DDHD2: variants seen among roughly 807,000 people sequenced by gnomAD.
DDHD2 encodes triacylglycerol hydrolase DDHD2.
In DDHD2, 62 loss-of-function variants were observed where a neutral mutation model predicts 91.2. The ratio of observed to expected loss-of-function variants is 0.68; its 90% confidence interval spans 0.55 to 0.84. The LOEUF (loss-of-function observed/expected upper bound fraction) is 0.84. Among genes scored for constraint, DDHD2 ranks in the 40% least tolerant of loss-of-function variants. DDHD2 has a pLI of 0.00. For synonymous variants in DDHD2, 271 were observed against 293.9 expected (o/e 0.92, Z 0.80); for missense variants, 740 against 846.9 (o/e 0.87, Z 1.57).
intron 10 of DDHD2, among the ~76,000 whole-genome samples, chr8:38,248,277 G>C (rs1805804544): frequency 6.6e-6 from 1 of 151,908 alleles, no homozygotes; most frequent in African/African-American, 2.4e-5. Flanking sequence ...TGGCCAGGCT[G>C]GTCTGGAATT....
In DDHD2 at chr8:38,261,650, T is replaced by A. The variant is rs546452730; in HGVS notation, c.*1077T>A. On this transcript the variant is annotated 3_prime_UTR_variant, in exon 18 of 18. Coordinates refer to ENST00000397166, the MANE Select transcript of DDHD2 (RefSeq NM_015214.3). ...TAACTTGTTCTGAAAGAAAAACTTA[T>A]GTCTGTAGGGTCCAAGAAACAGCTA... The A allele has an allele frequency of 1.3e-5, 2 of 152,222 alleles. No individual in the cohort carries two copies. The highest frequency in any genetic ancestry group is 2.4e-5 in the African/African-American group (1 of 41,462). 9.4% of individuals were successfully genotyped at this position (152,222 alleles called of 1,614,324 possible).
chr8:38,271,091 G>A (rs539928733), intron 1 of DDHD2: 1 of 152,250 alleles, frequency 6.6e-6, no homozygotes, highest in South Asian at 2.1e-4. Context: ...TACATAAAAA[G>A]TATTTGTAAA....
chr8:38,246,512 T>A (rs1805646184), intron 9 of DDHD2, among the ~76,000 whole-genome samples: 1 of 152,240 alleles, frequency 6.6e-6, no homozygotes, highest in Non-Finnish European at 1.5e-5. Flanking sequence ...ATAATTGTTA[T>A]ATTCTAAACC....
chr8:38,252,284 C>T lies in DDHD2; in HGVS notation c.1614C>T (p.His538=), dbSNP rs770774468. The change falls in exon 13 of 18, where the codon CAC becomes CAT. Residue 538 remains histidine (H), a synonymous_variant. Transcript: ENST00000397166. ...GCAAAGGTTTCTTCAATATTTATCA[C>T]CCTGTAAGCATTGTACAGCTATTGT... ...PTCKGFFNIY[H]PFDPVAYRIE... 6.2e-7 allele frequency: 1 copy of T among 1,611,254 alleles called. No individual in the cohort carries two copies. The highest frequency in any genetic ancestry group is 1.7e-5 in the Admixed American group (1 of 59,302).
chr8:38,233,927 CA>C (rs201616340), intron 2 of DDHD2, among the ~76,000 whole-genome samples: 360 of 121,468 alleles, frequency 3.0e-3, no homozygotes, highest in African/African-American at 5.9e-3. Flanking sequence ...AGACTTGTCT[CA>C]AAAAAAAAAA....
Position 38,268,653 on chromosome 8 carries a change from C to T in DDHD2, n.88-2469C>T, listed in dbSNP as rs554723853. 3.2e-5 allele frequency: 46 copies of T among 1,435,322 alleles called. No individual in the cohort carries two copies. The East Asian group carries it at 1.1e-3, about 35-fold the overall frequency. 88.9% of individuals were successfully genotyped at this position (1,435,322 alleles called of 1,614,324 possible). The stretch of plus-strand genomic sequence containing the variant: ...GCGGCTCGGGCCCCGGTACCTCAGG[C>T]TGAGGCACAGAGCGCCCGGGAAAAC... On this transcript the variant is annotated intron_variant and non_coding_transcript_variant, in intron 1 of 1. Transcript: ENST00000526071.
chr8:38,233,634 A>G (rs1383912991), intron 2 of DDHD2, among the ~76,000 whole-genome samples: 1 of 151,296 alleles, frequency 6.6e-6, no homozygotes, highest in Non-Finnish European at 1.5e-5. Flanking sequence ...TTTGTTTTAT[A>G]AAGAATGTGT....
At chr8:38,260,358 C>G in intron 17 of DDHD2, 2 of 369,170 alleles carry the variant, frequency 5.4e-6, no homozygotes. Context: ...GTCTGTTTTG[C>G]TAGAGATTTT....
intron 11 of DDHD2, 39 bp from the exon 12 acceptor site, chr8:38,251,873 A>G (rs756948894): frequency 6.0e-6 from 9 of 1,495,052 alleles, no homozygotes; most frequent in South Asian, 1.1e-5. Flanking sequence ...GCATGCCGTC[A>G]TGCCCAGCTT....
chr8:38,268,352 C>A (rs1180291300), intron 1 of DDHD2: 1 of 1,553,908 alleles, frequency 6.4e-7, no homozygotes, highest in East Asian at 2.4e-5. Flanking sequence ...GAAACCGGCC[C>A]GAAAGGGCTA....
chr8:38,263,257 G>T, downstream of DDHD2: 1 of 321,758 alleles, frequency 3.1e-6, no homozygotes, highest in Non-Finnish European at 4.5e-6. Flanking sequence ...AGGTCCTATG[G>T]CATCCATTCT....
intron 16 of DDHD2, among the ~76,000 whole-genome samples, chr8:38,258,412 C>T (rs1410548347): frequency 1.3e-5 from 2 of 151,884 alleles, no homozygotes; most frequent in African/African-American, 4.8e-5. Context: ...GCCACCATGC[C>T]CAGCTAATTT....
At position 38,252,048 on chromosome 8, in the gene DDHD2, C is replaced by A; in HGVS notation, c.1461+20C>A. Reference sequence around the variant, plus strand: ...GGGCAGGTAACTAATTCTCTTTGATCATTTTACAGCCTGCTATTTGTATGG... The same window carrying A: ...GGGCAGGTAACTAATTCTCTTTGATAATTTTACAGCCTGCTATTTGTATGG... On this transcript the variant is annotated intron_variant, in intron 12 of 17. Transcript: ENST00000397166. 3 of 1,611,890 alleles carry A rather than the reference C, an allele frequency of 1.9e-6. No individual in the cohort carries two copies. In the South Asian group the frequency reaches 3.3e-5, roughly 18 times the overall value.
At position 38,242,261 on chromosome 8, in the gene DDHD2, C is replaced by A; in HGVS notation, c.724C>A (p.Arg242Ser). Residue 242 changes from arginine (R) to serine (S), a missense_variant, in exon 7 of 18, where the codon CGC becomes AGC. Arg to Ser is a moderately radical substitution (Grantham distance 110). Coordinates refer to ENST00000397166, the MANE Select transcript of DDHD2 (RefSeq NM_015214.3). ...ATTTTCTTTTCCAGTTAATGATTTT[C>A]GCAGTGTTTCCTTGAACTTGCTACA... ...RSIVQCVNDF[R>S]SVSLNLLQTH... 6.3e-7 allele frequency: 1 copy of A among 1,585,872 alleles called. No homozygotes were observed. The highest frequency in any genetic ancestry group is 8.5e-7 in the Non-Finnish European group (1 of 1,171,716).
downstream of DDHD2, chr8:38,267,034 A>C (rs1170739090): frequency 7.1e-7 from 1 of 1,408,952 alleles, no homozygotes; most frequent in Non-Finnish European, 9.2e-7. Context: ...CTAGGCAAAT[A>C]ATATAACAAT....
intron 16 of DDHD2, among the ~76,000 whole-genome samples, chr8:38,259,064 TA>T: frequency 6.6e-6 from 1 of 152,286 alleles, no homozygotes; most frequent in South Asian, 2.1e-4. Context: ...GTTACTTTCT[TA>T]TATTGTTGGA....
rs780984015 is a variant in DDHD2 at position 38,269,011 on chromosome 8, G to C, written n.88-2111G>C. On this transcript the variant is annotated intron_variant and non_coding_transcript_variant, in intron 1 of 1. Transcript: ENST00000526071. ...TCACCCTAGAGGGGAACAAAGAAGC[G>C]CAGAGCAGGTCGCCTGGCTTCCTCC... 273 of 1,562,652 alleles carry C rather than the reference G, an allele frequency of 1.7e-4. 3 individuals are homozygous for C. The East Asian group carries it at 6.6e-3, about 38-fold the overall frequency.
chr8:38,256,958 C>CT (rs1319743526), intron 16 of DDHD2, among the ~76,000 whole-genome samples: 2 of 152,092 alleles, frequency 1.3e-5, no homozygotes, highest in African/African-American at 2.4e-5. Flanking sequence ...CAGTCTCACT[C>CT]TATCACCCAG....
At chr8:38,257,603 G>A (rs1024700757) in intron 16 of DDHD2, among the ~76,000 whole-genome samples, 4 of 150,702 alleles carry the variant, frequency 2.7e-5, no homozygotes, top group African/African-American at 9.8e-5. Context: ...TTGGTTTCTG[G>A]AATTTGTGTC....
Sources: allele counts gnomAD v4.1 joint callset (sites outside exome capture counted in the v4.1 genomes callset), GRCh38; gene constraint gnomAD v4.1.1; transcripts MANE v1.5; gene names NCBI Gene and HGNC (gene_info 2026-07-23, HGNC 2026-07-21).